The following NKAIN2 variants were observed in gnomAD, a reference collection of about 807,000 sequenced individuals.
The protein encoded by NKAIN2 is sodium/potassium-transporting ATPase subunit beta-1-interacting protein 2.
In NKAIN2, 14 loss-of-function variants were observed where a neutral mutation model predicts 32.6. That is an observed-to-expected ratio of 0.43 (90% CI 0.28 to 0.67). The LOEUF is 0.67. Ranked by LOEUF, NKAIN2 falls within the 30% of genes least tolerant of loss-of-function variation. NKAIN2 has a pLI of 0.17. For synonymous variants in NKAIN2, 80 were observed against 87.2 expected (o/e 0.92, Z 0.46); for missense variants, 198 against 258.3 (o/e 0.77, Z 1.60).
At chr6:124,368,466 C>G (rs1449937566) in intron 3 of NKAIN2, among the ~76,000 whole-genome samples, 1 of 152,058 alleles carries the variant, frequency 6.6e-6, no homozygotes, top group Non-Finnish European at 1.5e-5. Context: ...CAGTGGATGT[C>G]AAGAACCCCA....
chr6:124,335,895 A>G (rs1483904625), intron 2 of NKAIN2, among the ~76,000 whole-genome samples: 2 of 151,988 alleles, frequency 1.3e-5, no homozygotes, highest in Non-Finnish European at 2.9e-5. Context: ...TCTTTGTCTT[A>G]TCTTTCTGTT....
chr6:124,282,008 A>G (rs1357633825), intron 1 of NKAIN2, among the ~76,000 whole-genome samples: 3 of 152,334 alleles, frequency 2.0e-5, no homozygotes, highest in Admixed American at 6.5e-5. Context: ...AGAGTTTATT[A>G]TCATCCCCCC....
chr6:124,557,269 A>G (rs1780510550), intron 3 of NKAIN2, among the ~76,000 whole-genome samples: 1 of 152,230 alleles, frequency 6.6e-6, no homozygotes, highest in Non-Finnish European at 1.5e-5. Flanking sequence ...TAGTGAAAAT[A>G]TAATGTTAAC....
At chr6:124,440,628 C>T (rs1196060115) in intron 3 of NKAIN2, among the ~76,000 whole-genome samples, 1 of 152,062 alleles carries the variant, frequency 6.6e-6, no homozygotes, top group Non-Finnish European at 1.5e-5. Flanking sequence ...GAATATGATT[C>T]CTTGATCCAC....
intron 1 of NKAIN2, among the ~76,000 whole-genome samples, chr6:123,924,734 T>C (rs990848685): frequency 2.6e-5 from 4 of 152,142 alleles, no homozygotes; most frequent in African/African-American, 9.7e-5. Flanking sequence ...TTCCTAGCCC[T>C]AAATTTTAAC....
chr6:124,660,653 C>A (rs1357588175), intron 4 of NKAIN2, among the ~76,000 whole-genome samples: 1 of 152,198 alleles, frequency 6.6e-6, no homozygotes, highest in East Asian at 1.9e-4. Context: ...TCACCTCTAC[C>A]TTTTCCACCT....
At chr6:123,880,025 C>A (rs1773376247) in intron 1 of NKAIN2, among the ~76,000 whole-genome samples, 1 of 152,106 alleles carries the variant, frequency 6.6e-6, no homozygotes, top group Admixed American at 6.5e-5. Flanking sequence ...TATACTACTG[C>A]AGTAGGAAAC....
At chr6:124,252,381 A>G (rs1359720957) in intron 1 of NKAIN2, among the ~76,000 whole-genome samples, 2 of 152,102 alleles carry the variant, frequency 1.3e-5, no homozygotes, top group African/African-American at 4.8e-5. Context: ...ATACAGACAT[A>G]GGTGCTAAAA....
At chr6:123,986,770 T>G (rs1294070219) in intron 1 of NKAIN2, among the ~76,000 whole-genome samples, 9 of 152,158 alleles carry the variant, frequency 5.9e-5, no homozygotes. Context: ...CTTCAATGTA[T>G]AAGTCAAGTT....
intron 3 of NKAIN2, among the ~76,000 whole-genome samples, chr6:124,460,185 C>T (rs989169910): frequency 6.6e-6 from 1 of 151,630 alleles, no homozygotes; most frequent in Non-Finnish European, 1.5e-5. Flanking sequence ...CTTTTTCACT[C>T]CCTGTCTTTG....
At chr6:124,604,787 A>G (rs1782437320) in intron 3 of NKAIN2, among the ~76,000 whole-genome samples, 1 of 151,928 alleles carries the variant, frequency 6.6e-6, no homozygotes, top group African/African-American at 2.4e-5. Context: ...GCTGTAGGAA[A>G]TCTGTTGGTT....
chr6:124,822,227 T>A (rs1328453808), intron 6 of NKAIN2, among the ~76,000 whole-genome samples: 1 of 152,144 alleles, frequency 6.6e-6, no homozygotes, highest in Non-Finnish European at 1.5e-5. Context: ...AAACCAAAAC[T>A]GACACACCTA....
intron 3 of NKAIN2, among the ~76,000 whole-genome samples, chr6:124,647,496 C>CAAAAAAAAAAAA (rs1157607122): frequency 5.1e-5 from 3 of 58,948 alleles, no homozygotes; most frequent in Non-Finnish European, 8.3e-5. Flanking sequence ...GAGACTCTGT[C>CAAAAAAAAAAAA]AAAAAAAAAA....
At chr6:124,533,756 G>C (rs1170588967) in intron 3 of NKAIN2, among the ~76,000 whole-genome samples, 4 of 152,138 alleles carry the variant, frequency 2.6e-5, no homozygotes, top group Non-Finnish European at 5.9e-5. Flanking sequence ...ACTATGGAAT[G>C]AGTGGCCTAA....
intron 3 of NKAIN2, among the ~76,000 whole-genome samples, chr6:124,404,565 T>TTGGCTCTAAAAGCC (rs541003463): frequency 8.3e-4 from 127 of 152,248 alleles, no homozygotes; most frequent in Middle Eastern, 6.8e-3. Context: ...AGGCACTCAG[T>TTGGCTCTAAAAGCC]AAAAGAGTTG....
intron 3 of NKAIN2, among the ~76,000 whole-genome samples, chr6:124,415,877 G>GTTTTTTTTTTTTTTT (rs1491509779): frequency 1.2e-4 from 5 of 40,804 alleles, no homozygotes; most frequent in Non-Finnish European, 2.9e-4. Context: ...TTTTTTATTT[G>GTTTTTTTTTTTTTTT]CTTTTTTTTT....
intron 4 of NKAIN2, among the ~76,000 whole-genome samples, chr6:124,765,701 C>A (rs539055989): frequency 6.6e-6 from 1 of 152,338 alleles, no homozygotes; most frequent in East Asian, 1.9e-4. Flanking sequence ...TACTGAATTT[C>A]TCTGCAGAAG....
intron 1 of NKAIN2, among the ~76,000 whole-genome samples, chr6:124,235,709 C>T (rs571967182): frequency 3.8e-4 from 58 of 151,696 alleles, no homozygotes; most frequent in Non-Finnish European, 7.5e-4. Flanking sequence ...AGCGATTCTC[C>T]TGCCTCAGCC....
At chr6:124,447,290 T>C (rs1255703212) in intron 3 of NKAIN2, among the ~76,000 whole-genome samples, 2 of 152,128 alleles carry the variant, frequency 1.3e-5, no homozygotes, top group African/African-American at 4.8e-5. Context: ...TCAGGGCTTC[T>C]GAAATGCTAG....
Sources: gnomAD v4.1 joint callset for allele counts (sites outside exome capture counted in the v4.1 genomes callset) on GRCh38, gnomAD v4.1.1 for gene constraint, MANE v1.5 for transcripts, NCBI Gene and HGNC (gene_info 2026-07-23, HGNC 2026-07-21) for gene names.